The following TMEM63C variants were observed in gnomAD, a reference collection of about 807,000 sequenced individuals.
The protein encoded by TMEM63C is transmembrane protein 63C.
TMEM63C carries 32 observed loss-of-function variants against 99.2 expected under a neutral mutation model. That is an observed-to-expected ratio of 0.32 (90% CI 0.24 to 0.43). The LOEUF (loss-of-function observed/expected upper bound fraction) is 0.43, where lower values mean the gene tolerates loss of function less well. TMEM63C is among the 20% of genes least tolerant of loss of function. TMEM63C has a pLI of 1.00. For synonymous variants in TMEM63C, 376 were observed against 397.9 expected (o/e 0.94, Z 0.66); for missense variants, 826 against 1,053.0 (o/e 0.78, Z 2.98).
At chr14:77,190,072 A>G (rs1475389438) in intron 1 of TMEM63C, among the ~76,000 whole-genome samples, 1 of 152,010 alleles carries the variant, frequency 6.6e-6, no homozygotes, top group Non-Finnish European at 1.5e-5. Context: ...AAAATTGAAC[A>G]TTAAAATGGG....
intron 1 of TMEM63C, among the ~76,000 whole-genome samples, chr14:77,212,088 C>T (rs1888505215): frequency 6.6e-6 from 1 of 151,596 alleles, no homozygotes; most frequent in African/African-American, 2.4e-5. Context: ...AGTCTGGGCC[C>T]CTCACCACAG....
intron 6 of TMEM63C, among the ~76,000 whole-genome samples, chr14:77,228,339 C>T (rs10138255): frequency 0.3 from 46,056 of 151,892 alleles, 8,053 homozygotes; most frequent in East Asian, 0.57. Flanking sequence ...GACCTCACCC[C>T]GCCTCAGGCA....
At chr14:77,238,277 G>A (rs76611550) in intron 9 of TMEM63C, among the ~76,000 whole-genome samples, 90 of 152,378 alleles carry the variant, frequency 5.9e-4, no homozygotes, top group Non-Finnish European at 1.1e-3. Context: ...CGCTGGAACA[G>A]TGGAAGCTAC....
intron 9 of TMEM63C, among the ~76,000 whole-genome samples, chr14:77,237,626 G>A (rs900701454): frequency 1.3e-5 from 2 of 152,216 alleles, no homozygotes; most frequent in Non-Finnish European, 2.9e-5. Flanking sequence ...GTTCATTGAG[G>A]GTTGCGCTTG....
intron 1 of TMEM63C, among the ~76,000 whole-genome samples, chr14:77,209,452 A>G (rs555871266): frequency 1.3e-5 from 2 of 152,302 alleles, no homozygotes; most frequent in Non-Finnish European, 2.9e-5. Flanking sequence ...TCTGTCTCTC[A>G]TTGAGGCCTA....
chr14:77,256,945 AG>A lies in TMEM63C; in HGVS notation c.*222del. On this transcript the variant is annotated 3_prime_UTR_variant, in exon 24 of 24. Coordinates refer to ENST00000298351, the MANE Select transcript of TMEM63C (RefSeq NM_020431.4). ...TCGGCAGTGCTGAAGGAGCCTGGGA[AG>A]GGATGGGAGGATACAGGCAAGCACA... is the stretch of plus-strand genomic sequence containing the variant. 1.8e-6 allele frequency: 1 copy of A among 568,884 alleles called. No individual in the cohort carries two copies. Among genetic ancestry groups the A allele is most frequent in the East Asian group, 2.9e-5 (1 of 34,450 alleles). The allele number at this position is 568,884 out of a possible 1,614,324, so 35.2% of individuals were successfully genotyped here. A position where few individuals can be genotyped will look rare whatever the true frequency, so the allele number is the denominator to read the frequency against.
rs368471491 is a variant in TMEM63C, at chr14:77,231,460, G to C, written c.351-128G>C. 8.6e-5 allele frequency: 82 copies of C among 951,366 alleles called. No individual in the cohort carries two copies. The African/African-American group carries it at 1.6e-3, about 18-fold the overall frequency. The allele number at this position is 951,366 out of a possible 1,614,324, so 58.9% of individuals were successfully genotyped here. A position where few individuals can be genotyped will look rare whatever the true frequency, so the allele number is the denominator to read the frequency against. On this transcript the variant is annotated intron_variant, in intron 6 of 23. Transcript: ENST00000298351. ...GAAGTTGCCTTATATATGAGATATAGAGATAGTAAAAAAAAAAAAAAACTT... is the reference window on the plus strand; with the variant it reads ...GAAGTTGCCTTATATATGAGATATACAGATAGTAAAAAAAAAAAAAAACTT...
chr14:77,242,792 G>A (rs1889202016), intron 14 of TMEM63C, 111 bp from the exon 15 acceptor site: 3 of 1,300,236 alleles, frequency 2.3e-6, no homozygotes, highest in East Asian at 2.3e-5. Context: ...GGGCCCAGGA[G>A]GCTGGATTAG....
intron 7 of TMEM63C, among the ~76,000 whole-genome samples, chr14:77,232,528 T>C (rs542790619): frequency 7.7e-4 from 118 of 152,270 alleles, no homozygotes; most frequent in African/African-American, 2.6e-3. Context: ...CCTCCAGTGA[T>C]CCGCCCGCCT....
At chr14:77,219,072 T>A in intron 3 of TMEM63C, 109 bp downstream of exon 3, 1 of 1,232,914 alleles carries the variant, frequency 8.1e-7, no homozygotes, top group Non-Finnish European at 1.1e-6. Context: ...ACAACAACAT[T>A]GATACAAACT....
At chr14:77,228,736 C>T (rs1594861350) in intron 6 of TMEM63C, among the ~76,000 whole-genome samples, 1 of 152,138 alleles carries the variant, frequency 6.6e-6, no homozygotes, top group East Asian at 1.9e-4. Context: ...AGGGCTTCAC[C>T]ACGTTGGCCA....
At chr14:77,217,944 G>C (rs1445858457) in intron 2 of TMEM63C, among the ~76,000 whole-genome samples, 1 of 152,160 alleles carries the variant, frequency 6.6e-6, no homozygotes, top group African/African-American at 2.4e-5. Context: ...GGCTTAGAAG[G>C]ATATGAGGGT....
chr14:77,224,288 A>G (rs940388684), intron 5 of TMEM63C, among the ~76,000 whole-genome samples: 1 of 152,062 alleles, frequency 6.6e-6, no homozygotes, highest in Admixed American at 6.5e-5. Context: ...TCCCCTCGGC[A>G]TAAGGCCCGC....
At chr14:77,222,050 C>G (rs1888732517) in intron 5 of TMEM63C, among the ~76,000 whole-genome samples, 1 of 152,130 alleles carries the variant, frequency 6.6e-6, no homozygotes, top group Admixed American at 6.5e-5. Flanking sequence ...TGACAACTTC[C>G]TTTGCCATCT....
chr14:77,214,730 A>C (rs8014408), intron 2 of TMEM63C, among the ~76,000 whole-genome samples: 38,745 of 151,108 alleles, frequency 0.26, 6,258 homozygotes, highest in East Asian at 0.61. Flanking sequence ...ACATCTCCAC[A>C]AAGATGATCC....
Position 77,253,343 on chromosome 14 carries a change from G to C in TMEM63C, c.2187G>C (p.Glu729Asp), listed in dbSNP as rs1453768022. ...EEEIQTVFDM[E>D]PSSTSSTPTS... Reference sequence around the variant, plus strand: ...AGATCCAGACAGTGTTTGACATGGAGCCAAGCAGCACCTCCTCCACGCCCA... The same window carrying C: ...AGATCCAGACAGTGTTTGACATGGACCCAAGCAGCACCTCCTCCACGCCCA... The change falls in exon 23 of 24, where the codon GAG becomes GAC. Residue 729 changes from glutamate to aspartate, a missense_variant. Physicochemically the swap from Glu to Asp is conservative, Grantham distance 45. Coordinates refer to ENST00000298351, the MANE Select transcript of TMEM63C (RefSeq NM_020431.4). 6.2e-7 allele frequency: 1 copy of C among 1,613,052 alleles called. No homozygotes were observed. Among genetic ancestry groups the C allele is most frequent in the East Asian group, 2.2e-5 (1 of 44,862 alleles).
intron 6 of TMEM63C, among the ~76,000 whole-genome samples, chr14:77,228,438 A>G (rs1888872562): frequency 6.6e-6 from 1 of 152,196 alleles, no homozygotes; most frequent in Admixed American, 6.5e-5. Flanking sequence ...GGAAACGTTT[A>G]GCCGCTCAAA....
chr14:77,248,503 C>A lies in TMEM63C; in HGVS notation c.1758C>A (p.Ile586=), dbSNP rs1889304018. 1 of 1,581,022 alleles carries A rather than the reference C, an allele frequency of 6.3e-7. No homozygotes were observed. Among genetic ancestry groups the A allele is most frequent in the East Asian group, 2.3e-5 (1 of 42,886 alleles). Residue 586 remains isoleucine (I), a synonymous_variant, in exon 19 of 24, where the codon ATC becomes ATA. Coordinates refer to ENST00000298351, the MANE Select transcript of TMEM63C (RefSeq NM_020431.4). The part of the protein sequence containing the change: ...FSRSEPERVN[I]RKNQAIDFQF... ...GATCAGAGCCAGAGAGAGTCAACAT[C>A]AGAAAGGTACAGACTGGCTCTCCGC...
chr14:77,231,675 C>G lies in TMEM63C; in HGVS notation c.438C>G (p.Ile146Met). The change falls in exon 7 of 24, where the codon ATC (isoleucine) becomes ATG (methionine). Residue 146 changes from isoleucine (I) to methionine (M), a missense_variant. Physicochemically the swap from Ile to Met is conservative, Grantham distance 10 (BLOSUM62 1). Transcript: ENST00000298351. ...ACCTCATCATCTTTGTGCTCATCATCTGTATCCCCTCCCTGGGCATCATTT... is the reference window on the plus strand; with the variant it reads ...ACCTCATCATCTTTGTGCTCATCATGTGTATCCCCTCCCTGGGCATCATTT... Reference protein sequence around the residue: ...QYHLIIFVLIICIPSLGIILP... With the variant: ...QYHLIIFVLIMCIPSLGIILP... 2 of 1,551,704 alleles carry G rather than the reference C, an allele frequency of 1.3e-6. No individual in the cohort carries two copies.
Sources: allele counts gnomAD v4.1 joint callset (sites outside exome capture counted in the v4.1 genomes callset), GRCh38; gene constraint gnomAD v4.1.1; transcripts MANE v1.5; gene names NCBI Gene and HGNC (gene_info 2026-07-23, HGNC 2026-07-21).